Variants in FGF12 observed in about 807,000 individuals in gnomAD.
FGF12 encodes the protein fibroblast growth factor 12.
In FGF12, 14 loss-of-function variants were observed where a neutral mutation model predicts 23.6. That is an observed-to-expected ratio of 0.59 (90% confidence interval 0.39 to 0.93). The LOEUF (loss-of-function observed/expected upper bound fraction) is 0.93, where lower values mean the gene tolerates loss of function less well. FGF12 is among the 40% of genes least tolerant of loss of function. The pLI is 0.00. For missense variants in FGF12, 175 were observed against 217.8 expected, an observed-to-expected ratio of 0.80 and a Z score of 1.24; for synonymous variants, 62 against 77.3, an observed-to-expected ratio of 0.80 and a Z score of 1.04.
rs77399087 is a variant in FGF12, at chr3:192,335,607, C to T, written c.125-143G>A. ...AGAGAAATAAAGAGAGGTCTAAAAA[C>T]GAGAGAAATTGACTTCTTGACCCTG... On this transcript the variant is annotated intron_variant, in intron 3 of 5. Coordinates refer to ENST00000445105, the MANE Select transcript of FGF12 (RefSeq NM_004113.6). 3,702 of 619,692 alleles carry T rather than the reference C, an allele frequency of 6.0e-3. 102 individuals carry two copies. Among genetic ancestry groups the T allele is most frequent in the African/African-American group, 0.056 (2,993 of 53,832 alleles). The allele number at this position is 619,692 out of a possible 1,614,324, so 38.4% of individuals were successfully genotyped here.
At chr3:192,201,448 C>T (rs922361860) in intron 4 of FGF12, among the ~76,000 whole-genome samples, 1 of 152,178 alleles carries the variant, frequency 6.6e-6, no homozygotes, top group African/African-American at 2.4e-5. Flanking sequence ...TTAACACTTG[C>T]CATTTTACAA....
chr3:192,670,422 T>C (rs1326897053), intron 2 of FGF12, among the ~76,000 whole-genome samples: 1 of 152,144 alleles, frequency 6.6e-6, no homozygotes, highest in Non-Finnish European at 1.5e-5. Context: ...TCAATAATTT[T>C]GAAGTATATA....
intron 2 of FGF12, among the ~76,000 whole-genome samples, chr3:192,364,377 T>C (rs1003700781): frequency 2.0e-5 from 3 of 150,156 alleles, no homozygotes; most frequent in African/African-American, 5.0e-5. Flanking sequence ...ATGATGACTA[T>C]ATTATTAGAT....
intron 4 of FGF12, among the ~76,000 whole-genome samples, chr3:192,318,809 C>G (rs1046759933): frequency 1.2e-4 from 18 of 151,794 alleles, no homozygotes; most frequent in African/African-American, 3.4e-4. Flanking sequence ...TTTTAAAGGT[C>G]AAGCTAAAGA....
intron 2 of FGF12, among the ~76,000 whole-genome samples, chr3:192,414,149 A>G (rs1329071202): frequency 6.6e-6 from 1 of 152,156 alleles, no homozygotes; most frequent in Non-Finnish European, 1.5e-5. Context: ...GAAATTTTCA[A>G]TGTTCTGGAG....
intron 2 of FGF12, among the ~76,000 whole-genome samples, chr3:192,604,819 A>G (rs1327817391): frequency 6.6e-6 from 1 of 152,218 alleles, no homozygotes; most frequent in African/African-American, 2.4e-5. Context: ...CTATAAGGCT[A>G]TAGTAACTAA....
chr3:192,594,774 C>T (rs73060537), intron 2 of FGF12, among the ~76,000 whole-genome samples: 3,487 of 151,992 alleles, frequency 0.023, 108 homozygotes, highest in African/African-American at 0.06. Flanking sequence ...TCTCACCAGA[C>T]GCAACCCCTC....
chr3:192,196,619 A>G (rs1451079103), intron 4 of FGF12, among the ~76,000 whole-genome samples: 1 of 152,224 alleles, frequency 6.6e-6, no homozygotes, highest in East Asian at 1.9e-4. Context: ...AGAATGTGAA[A>G]TGTAGATAAA....
chr3:192,340,758 C>T (rs1290802731), intron 3 of FGF12, among the ~76,000 whole-genome samples: 1 of 151,960 alleles, frequency 6.6e-6, no homozygotes, highest in Non-Finnish European at 1.5e-5. Flanking sequence ...GGTATTCACA[C>T]ATGAAAGAAT....
chr3:192,142,130 G>GT lies in FGF12; in HGVS notation c.*1878dup, dbSNP rs1560164143. The GT allele has an allele frequency of 6.6e-6, 1 of 152,478 alleles. No individual in the cohort carries two copies. The highest frequency in any genetic ancestry group is 1.5e-5 in the Non-Finnish European group (1 of 67,930). The allele number at this position is 152,478 out of a possible 1,614,324, so 9.4% of individuals were successfully genotyped here. ...GGTTAAACAAATATCTCTTGCAAAT[G>GT]TATCTTCAAAATCTTTGCCTACATG... On this transcript the variant is annotated 3_prime_UTR_variant, in exon 6 of 6. Coordinates refer to ENST00000445105, the MANE Select transcript of FGF12 (RefSeq NM_004113.6).
chr3:192,721,706 G>A (rs1016885144), intron 2 of FGF12, among the ~76,000 whole-genome samples: 2 of 152,134 alleles, frequency 1.3e-5, no homozygotes, highest in Admixed American at 6.5e-5. Flanking sequence ...AGGGTAACAA[G>A]CCTCATAATA....
chr3:192,189,625 G>A (rs967841489), intron 4 of FGF12, among the ~76,000 whole-genome samples: 1 of 152,096 alleles, frequency 6.6e-6, no homozygotes, highest in Non-Finnish European at 1.5e-5. Context: ...ATTTGGATAT[G>A]CACAGAAACA....
intron 2 of FGF12, among the ~76,000 whole-genome samples, chr3:192,663,730 C>G (rs1040339932): frequency 6.6e-6 from 1 of 151,922 alleles, no homozygotes; most frequent in African/African-American, 2.4e-5. Flanking sequence ...TTTTCTCTCT[C>G]AGAACGGTTT....
chr3:192,598,876 T>C (rs1713976160), intron 2 of FGF12, among the ~76,000 whole-genome samples: 1 of 152,096 alleles, frequency 6.6e-6, no homozygotes, highest in African/African-American at 2.4e-5. Flanking sequence ...TGCCCATCAA[T>C]GATAGACTGG....
intron 2 of FGF12, among the ~76,000 whole-genome samples, chr3:192,664,592 T>TAAAAAAAAAA (rs1716787466): frequency 3.2e-5 from 1 of 31,118 alleles, no homozygotes; most frequent in Non-Finnish European, 7.2e-5. Flanking sequence ...CTACTAAAAA[T>TAAAAAAAAAA]ACAAAAAAAA....
At chr3:192,669,602 T>TAAAAAAAAAAAAAAAAAAAAAAAAAA (rs59897483) in intron 2 of FGF12, among the ~76,000 whole-genome samples, 1 of 59,526 alleles carries the variant, frequency 1.7e-5, no homozygotes, top group Non-Finnish European at 3.1e-5. Flanking sequence ...GACTCTGTCT[T>TAAAAAAAAAAAAAAAAAAAAAAAAAA]AAAAAAAAAA....
chr3:192,567,737 CTTTCTT>C (rs1180130302), intron 2 of FGF12, among the ~76,000 whole-genome samples: 1 of 45,172 alleles, frequency 2.2e-5, no homozygotes, highest in Admixed American at 2.2e-4. Context: ...CCATGTGTCT[CTTTCTT>C]TCTTTCTTTC....
chr3:192,401,747 A>G (rs2253098), intron 2 of FGF12, among the ~76,000 whole-genome samples: 111,056 of 152,056 alleles, frequency 0.73, 40,624 homozygotes, highest in African/African-American at 0.76. Context: ...TTCTTGCCAA[A>G]CTTTCCAACA....
intron 2 of FGF12, among the ~76,000 whole-genome samples, chr3:192,498,557 C>T (rs1724028294): frequency 6.6e-6 from 1 of 151,484 alleles, no homozygotes; most frequent in Admixed American, 6.6e-5. Context: ...AGAAGTCAGT[C>T]TGGATATTGG....
Sources: allele counts gnomAD v4.1 joint callset (sites outside exome capture counted in the v4.1 genomes callset), GRCh38; gene constraint gnomAD v4.1.1; transcripts MANE v1.5; gene names NCBI Gene and HGNC (gene_info 2026-07-23, HGNC 2026-07-21).